The following USP22 variants were observed in gnomAD, a reference collection of about 807,000 sequenced individuals.
USP22 encodes ubiquitin specific peptidase 22.
In USP22, 22 loss-of-function variants were observed where a neutral mutation model predicts 68.1. The ratio of observed to expected loss-of-function variants is 0.32; its 90% CI spans 0.23 to 0.46. The LOEUF (loss-of-function observed/expected upper bound fraction) is 0.46. Ranked by LOEUF, USP22 falls within the 20% of genes least tolerant of loss-of-function variation. USP22 has a pLI of 1.00. For synonymous variants in USP22, 279 were observed against 274.2 expected (o/e 1.02, Z -0.17); for missense variants, 433 against 695.8 (o/e 0.62, Z 4.25).
At chr17:21,034,017 G>A (rs559108833) in intron 1 of USP22, among the ~76,000 whole-genome samples, 12 of 152,020 alleles carry the variant, frequency 7.9e-5, no homozygotes, top group African/African-American at 2.9e-4. Flanking sequence ...CCAAAGTGCT[G>A]GGATTACAGG....
At chr17:21,003,147 A>G in intron 12 of USP22, 74 bp from the exon 13 acceptor site, 1 of 1,569,268 alleles carries the variant, frequency 6.4e-7, no homozygotes, top group Admixed American at 1.7e-5. Context: ...CACCCTACAC[A>G]AAAGCCTACG....
chr17:21,003,878 C>T (rs1218054182), intron 12 of USP22, among the ~76,000 whole-genome samples: 2 of 133,162 alleles, frequency 1.5e-5, no homozygotes, highest in Non-Finnish European at 1.5e-5. Flanking sequence ...CCAGCCTGGG[C>T]AACAAGAGCG....
chr17:21,024,100 A>C (rs1972191464), intron 2 of USP22, among the ~76,000 whole-genome samples: 1 of 152,204 alleles, frequency 6.6e-6, no homozygotes, highest in Non-Finnish European at 1.5e-5. Context: ...AAATGCCAAC[A>C]ACGATGTTAA....
At chr17:21,033,675 T>A (rs910918430) in intron 1 of USP22, among the ~76,000 whole-genome samples, 1 of 152,164 alleles carries the variant, frequency 6.6e-6, no homozygotes, top group Admixed American at 6.5e-5. Flanking sequence ...CTTAGGAAGG[T>A]AAGTTTAATT....
chr17:21,006,799 G>A (rs1018584531), intron 10 of USP22, 97 bp downstream of exon 10: 19 of 1,041,050 alleles, frequency 1.8e-5, no homozygotes, highest in African/African-American at 8.2e-5. Context: ...CACTGCACCC[G>A]GCCAACAGTC....
intron 10 of USP22, 150 bp downstream of exon 10, chr17:21,006,746 G>T: frequency 2.0e-6 from 1 of 503,422 alleles, no homozygotes; most frequent in East Asian, 3.5e-5. Flanking sequence ...CTCATGATCT[G>T]CCCGCTTCGA....
intron 8 of USP22, among the ~76,000 whole-genome samples, chr17:21,010,688 G>A (rs1913935678): frequency 6.6e-6 from 1 of 150,600 alleles, no homozygotes; most frequent in Non-Finnish European, 1.5e-5. Context: ...AAATCACTTT[G>A]TAAATATTAT....
At chr17:21,026,317 A>C (rs16942330) in intron 2 of USP22, among the ~76,000 whole-genome samples, 24,308 of 152,078 alleles carry the variant, frequency 0.16, 2,425 homozygotes, top group South Asian at 0.24. Flanking sequence ...TTTTGCCTTA[A>C]ATCGTCTCAC....
intron 1 of USP22, among the ~76,000 whole-genome samples, chr17:21,032,226 G>A (rs1439714310): frequency 6.6e-6 from 1 of 152,200 alleles, no homozygotes; most frequent in Non-Finnish European, 1.5e-5. Flanking sequence ...GCAGCAGGCT[G>A]TACCATCTAG....
At chr17:21,028,848 C>A (rs1258387993) in intron 1 of USP22, among the ~76,000 whole-genome samples, 174 bp from the exon 2 acceptor site, 1 of 152,080 alleles carries the variant, frequency 6.6e-6, no homozygotes. Flanking sequence ...TTCCCCCAAA[C>A]AGGACTTCAT....
rs989262258 is a variant in USP22 at position 21,042,835 on chromosome 17, TG to T, written c.-1del. ...CCCTCGGGCTCTGGCCGGGACACCA[TG>T]GGGGGCAAGGCCCGGCCGCGCGCGG... is the stretch of plus-strand genomic sequence containing the variant. On this transcript the variant is annotated 5_prime_UTR_variant, in exon 1 of 13. Transcript: ENST00000261497. The T allele has an allele frequency of 1.0e-5, 14 of 1,344,862 alleles. No homozygotes were observed. The highest frequency in any genetic ancestry group is 1.3e-5 in the Non-Finnish European group (14 of 1,043,260). The allele number at this position is 1,344,862 out of a possible 1,614,324, so 83.3% of individuals were successfully genotyped here.
intron 2 of USP22, among the ~76,000 whole-genome samples, chr17:21,022,601 C>T (rs1972170220): frequency 6.6e-6 from 1 of 152,044 alleles, no homozygotes; most frequent in Admixed American, 6.6e-5. Flanking sequence ...AGATTGAGAC[C>T]ATCCTGGCTA....
chr17:21,021,442 T>G (rs1972155449), intron 2 of USP22, among the ~76,000 whole-genome samples: 1 of 152,076 alleles, frequency 6.6e-6, no homozygotes, highest in South Asian at 2.1e-4. Context: ...GGCTGAGGTG[T>G]CTTAAAAAAC....
At chr17:21,030,300 T>C (rs556502836) in intron 1 of USP22, among the ~76,000 whole-genome samples, 2 of 152,276 alleles carry the variant, frequency 1.3e-5, no homozygotes, top group South Asian at 2.1e-4. Context: ...GATGCACCTA[T>C]CCCTTTTTTC....
chr17:21,043,411 C>T, upstream of USP22: 2 of 382,690 alleles, frequency 5.2e-6, no homozygotes, highest in Non-Finnish European at 9.4e-6. Flanking sequence ...CTGTCTCTTC[C>T]AGAGGACTGG....
At chr17:21,022,378 CA>C (rs895940222) in intron 2 of USP22, among the ~76,000 whole-genome samples, 5 of 151,382 alleles carry the variant, frequency 3.3e-5, no homozygotes, top group Non-Finnish European at 5.9e-5. Context: ...TGTAAAAAGT[CA>C]AAAAAATAAA....
chr17:21,027,647 G>A (rs150787112), intron 2 of USP22, among the ~76,000 whole-genome samples: 5 of 152,314 alleles, frequency 3.3e-5, no homozygotes, highest in Admixed American at 6.5e-5. Flanking sequence ...CTACTGTGTA[G>A]AAGAAACAGT....
At chr17:21,043,277 CTTCCTTTATTGGTAGTAGGCCA>C (rs1972472244), upstream of USP22, 1 of 171,748 alleles carries the variant, frequency 5.8e-6, no homozygotes, top group Non-Finnish European at 1.1e-5. Flanking sequence ...CGCCCCTCCC[CTTCCTTTATTGGTAGTAGGCCA>C]CCCCCCCCCC....
At chr17:21,020,764 C>T (rs7226229) in intron 3 of USP22, among the ~76,000 whole-genome samples, 110,655 of 151,936 alleles carry the variant, frequency 0.73, 40,948 homozygotes, top group South Asian at 0.82. Flanking sequence ...GGTGTGACCT[C>T]GCCACACTCG....
Sources: gnomAD v4.1 joint callset for allele counts (sites outside exome capture counted in the v4.1 genomes callset) on GRCh38, gnomAD v4.1.1 for gene constraint, MANE v1.5 for transcripts, NCBI Gene and HGNC (gene_info 2026-07-23, HGNC 2026-07-21) for gene names.